The following SPIDR variants were observed in gnomAD, a reference collection of about 807,000 sequenced individuals.
SPIDR encodes the protein DNA repair-scaffolding protein.
In SPIDR, 93 loss-of-function variants were observed where a neutral mutation model predicts 104.6. That is an observed-to-expected ratio of 0.89 (90% CI 0.75 to 1.06). The LOEUF is 1.06. Among genes scored for constraint, SPIDR ranks in the 50% least tolerant of loss-of-function variants. The pLI, the probability that SPIDR is intolerant of heterozygous loss-of-function variation, is 0.00. For synonymous variants in SPIDR, 431 were observed against 416.9 expected (o/e 1.03, Z -0.41); for missense variants, 1,154 against 1,111.2 (o/e 1.04, Z -0.55).
At chr8:47,507,767 G>A (rs979555388) in intron 8 of SPIDR, among the ~76,000 whole-genome samples, 1 of 152,176 alleles carries the variant, frequency 6.6e-6, no homozygotes, top group Non-Finnish European at 1.5e-5. Flanking sequence ...TGAAATGTCA[G>A]CTGTTCATTC....
At chr8:47,699,003 G>T (rs2079748231) in intron 11 of SPIDR, among the ~76,000 whole-genome samples, 1 of 152,156 alleles carries the variant, frequency 6.6e-6, no homozygotes, top group African/African-American at 2.4e-5. Context: ...GTCTGGAAAG[G>T]GTTGTTTATT....
At chr8:47,479,369 A>C (rs1258659835) in intron 8 of SPIDR, among the ~76,000 whole-genome samples, 2 of 152,046 alleles carry the variant, frequency 1.3e-5, no homozygotes, top group East Asian at 1.9e-4. Context: ...AAAAAAAAAA[A>C]AAGAAAGAAA....
chr8:47,321,727 G>A lies in SPIDR; in HGVS notation c.525+27697G>A, dbSNP rs528116140. 3.3e-4 allele frequency among the ~76,000 whole-genome samples: 50 copies of A among 152,276 alleles called. 3 individuals carry two copies. In the South Asian group the frequency reaches 0.01, roughly 31 times the overall value. On this transcript the variant is annotated intron_variant, in intron 5 of 19. Coordinates refer to ENST00000297423, the MANE Select transcript of SPIDR (RefSeq NM_001080394.4). ...AGGCTGCAGTAACCAAAACTGCATGGTACTGGTACCGAAACAGAGATATAG... is the reference window on the plus strand; with the variant it reads ...AGGCTGCAGTAACCAAAACTGCATGATACTGGTACCGAAACAGAGATATAG...
chr8:47,342,328 CTTTTTTT>C (rs11357859), intron 5 of SPIDR, among the ~76,000 whole-genome samples: 13 of 68,954 alleles, frequency 1.9e-4, no homozygotes, highest in African/African-American at 7.0e-4. Flanking sequence ...TTTCAAAGGT[CTTTTTTT>C]TTTTTTTTTT....
At chr8:47,544,559 T>C (rs576104778) in intron 8 of SPIDR, among the ~76,000 whole-genome samples, 6 of 152,336 alleles carry the variant, frequency 3.9e-5, no homozygotes, top group Admixed American at 2.6e-4. Flanking sequence ...GGTTTTTCTG[T>C]TTTTTGCCTG....
chr8:47,342,180 A>C (rs1219963597), intron 5 of SPIDR, among the ~76,000 whole-genome samples: 2 of 151,996 alleles, frequency 1.3e-5, no homozygotes, highest in Non-Finnish European at 2.9e-5. Flanking sequence ...AATTGTCTGA[A>C]TTTTAGAGCT....
At chr8:47,512,456 T>C (rs1265292833) in intron 8 of SPIDR, among the ~76,000 whole-genome samples, 2 of 152,216 alleles carry the variant, frequency 1.3e-5, no homozygotes, top group East Asian at 3.8e-4. Flanking sequence ...GCCAGCTCTG[T>C]TCCCCCTCTC....
chr8:47,478,021 TGGTTGAAGCTAGAGTTGAA>T (rs2076473719), intron 8 of SPIDR, among the ~76,000 whole-genome samples: 2 of 152,224 alleles, frequency 1.3e-5, no homozygotes, highest in East Asian at 1.9e-4. Context: ...GGAAGTGGTA[TGGTTGAAGCTAGAGTTGAA>T]GGTTGAAGCT....
At chr8:47,417,572 T>G (rs1475600586) in intron 7 of SPIDR, among the ~76,000 whole-genome samples, 2 of 152,216 alleles carry the variant, frequency 1.3e-5, no homozygotes, top group Non-Finnish European at 2.9e-5. Context: ...ATTCTATAGG[T>G]TGCCTGTTCA....
At chr8:47,429,828 A>G (rs1196930092) in intron 7 of SPIDR, among the ~76,000 whole-genome samples, 2 of 122,182 alleles carry the variant, frequency 1.6e-5, no homozygotes, top group Non-Finnish European at 3.6e-5. Context: ...ATTTTATTTT[A>G]TTATTATTAT....
rs575969885 is a variant in SPIDR, at chr8:47,504,646, T to C, written c.1097+64104T>C. ...TTCTTCTCTCAACTCGTCAAAGTCA[T>C]TCTCCGTCCAGCTTTGTTCCATTGC... On this transcript the variant is annotated intron_variant, in intron 8 of 19. Transcript: ENST00000297423. Among the ~76,000 whole-genome samples the C allele has an allele frequency of 1.8e-4, 28 of 152,362 alleles. No individual in the cohort carries two copies. The South Asian group carries it at 5.2e-3, about 28-fold the overall frequency.
intron 10 of SPIDR, among the ~76,000 whole-genome samples, chr8:47,633,419 AG>A (rs1369887193): frequency 6.6e-6 from 1 of 152,160 alleles, no homozygotes; most frequent in Admixed American, 6.5e-5. Context: ...GGATGGCAGC[AG>A]AAGCAACAGG....
intron 10 of SPIDR, among the ~76,000 whole-genome samples, chr8:47,670,190 C>T (rs371118233): frequency 3.0e-4 from 45 of 152,164 alleles, no homozygotes; most frequent in African/African-American, 1.1e-3. Flanking sequence ...CCCTACATGT[C>T]CTGGTCCCCA....
intron 8 of SPIDR, among the ~76,000 whole-genome samples, chr8:47,459,349 T>C (rs2073551745): frequency 6.6e-6 from 1 of 152,138 alleles, no homozygotes; most frequent in Non-Finnish European, 1.5e-5. Context: ...TTTCTAATTC[T>C]TCCTGATTTA....
At chr8:47,546,033 AG>A (rs1478200966) in intron 8 of SPIDR, among the ~76,000 whole-genome samples, 1 of 152,162 alleles carries the variant, frequency 6.6e-6, no homozygotes, top group African/African-American at 2.4e-5. Context: ...TTATTTGCTA[AG>A]GATTTTTACA....
chr8:47,596,489 G>C (rs2061629377), intron 9 of SPIDR, among the ~76,000 whole-genome samples: 1 of 152,102 alleles, frequency 6.6e-6, no homozygotes, highest in Non-Finnish European at 1.5e-5. Context: ...TAAAAATACA[G>C]TCCAAAAGAT....
At chr8:47,422,064 A>C (rs2065584547) in intron 7 of SPIDR, among the ~76,000 whole-genome samples, 1 of 152,172 alleles carries the variant, frequency 6.6e-6, no homozygotes, top group South Asian at 2.1e-4. Context: ...TCAGGGCCCC[A>C]CTTGAGGAGG....
intron 14 of SPIDR, among the ~76,000 whole-genome samples, chr8:47,703,926 C>T (rs186541173): frequency 6.6e-6 from 1 of 152,302 alleles, no homozygotes; most frequent in East Asian, 1.9e-4. Flanking sequence ...GAGTAGGATG[C>T]AAGCTTGTTA....
chr8:47,641,449 C>T (rs2068972975), intron 10 of SPIDR, among the ~76,000 whole-genome samples: 2 of 152,176 alleles, frequency 1.3e-5, no homozygotes, highest in Non-Finnish European at 1.5e-5. Flanking sequence ...TGCTTTATAT[C>T]TCAAGCAAGA....
Sources: allele counts gnomAD v4.1 joint callset (sites outside exome capture counted in the v4.1 genomes callset), GRCh38; gene constraint gnomAD v4.1.1; transcripts MANE v1.5; gene names NCBI Gene and HGNC (gene_info 2026-07-23, HGNC 2026-07-21).